Variants in NAV2 observed in about 807,000 individuals in gnomAD.
The protein encoded by NAV2 is helicase, APC down-regulated 1.
NAV2 carries 54 observed loss-of-function variants against 223.2 expected under a neutral mutation model. That is an observed-to-expected ratio of 0.24 (90% CI 0.19 to 0.30). The LOEUF is 0.30. NAV2 is among the 10% of genes least tolerant of loss of function. NAV2 has a pLI of 1.00. For synonymous variants in NAV2, 1,279 were observed against 1,239.3 expected, an observed-to-expected ratio of 1.03 and a Z score of -0.67; for missense variants, 2,806 against 3,147.5, an observed-to-expected ratio of 0.89 and a Z score of 2.60.
At chr11:19,375,166 T>G (rs1034692693) in intron 1 of NAV2, among the ~76,000 whole-genome samples, 12 of 152,338 alleles carry the variant, frequency 7.9e-5, no homozygotes, top group Admixed American at 3.9e-4. Flanking sequence ...TCCAACTTAT[T>G]GGTTTGTGGC....
chr11:19,989,409 C>A (rs1003784310), intron 11 of NAV2, among the ~76,000 whole-genome samples: 1 of 152,130 alleles, frequency 6.6e-6, no homozygotes, highest in African/African-American at 2.4e-5. Context: ...GGAACAGATG[C>A]TCCTAGAGCC....
At chr11:19,590,418 C>T (rs939805758) in intron 1 of NAV2, among the ~76,000 whole-genome samples, 7 of 152,104 alleles carry the variant, frequency 4.6e-5, no homozygotes, top group African/African-American at 1.7e-4. Flanking sequence ...ATCCCCCTTA[C>T]CCAGGACTGC....
chr11:19,511,096 A>C (rs2043265224), intron 1 of NAV2: 1 of 152,252 alleles, frequency 6.6e-6, no homozygotes, highest in Non-Finnish European at 1.5e-5. Context: ...GGGACTCATC[A>C]GGATCACACA....
intron 1 of NAV2, among the ~76,000 whole-genome samples, chr11:19,736,740 C>T (rs1444239981): frequency 6.6e-6 from 1 of 152,218 alleles, no homozygotes; most frequent in Non-Finnish European, 1.5e-5. Context: ...CATGACATCT[C>T]TTCCCCCAAC....
intron 3 of NAV2, among the ~76,000 whole-genome samples, chr11:19,858,772 T>C (rs148803746): frequency 0.021 from 3,240 of 152,340 alleles, 53 homozygotes; most frequent in South Asian, 0.033. Flanking sequence ...TAAAAATGAA[T>C]GCTAGTGACA....
chr11:19,444,938 T>C (rs1851530688), intron 1 of NAV2, among the ~76,000 whole-genome samples: 1 of 152,138 alleles, frequency 6.6e-6, no homozygotes, highest in African/African-American at 2.4e-5. Context: ...GAAAGAAATC[T>C]ATATGAAGAA....
In NAV2 at chr11:19,684,342, A is replaced by G. The variant is rs372987294; in HGVS notation, c.76-148142A>G. On this transcript the variant is annotated intron_variant, in intron 1 of 37. Transcript: ENST00000360655. ...TTCCCAGGGTATTGACTCATGTGTC[A>G]ATGCCCAGCAGGAGGTATCTGCCCT... 2.6e-5 allele frequency among the ~76,000 whole-genome samples: 4 copies of G among 152,132 alleles called. No homozygotes were observed. In the South Asian group the frequency reaches 6.3e-4, roughly 24 times the overall value.
intron 1 of NAV2, among the ~76,000 whole-genome samples, chr11:19,531,717 T>C (rs1003316392): frequency 6.6e-6 from 1 of 152,172 alleles, no homozygotes; most frequent in African/African-American, 2.4e-5. Flanking sequence ...TGAAAAGCCA[T>C]TGTGATTTTT....
chr11:19,533,628 T>C (rs937239618), intron 1 of NAV2, among the ~76,000 whole-genome samples: 6 of 152,090 alleles, frequency 3.9e-5, no homozygotes, highest in East Asian at 1.9e-4. Context: ...AAACCTTCTC[T>C]GAGACGTGCA....
At chr11:19,872,743 G>A (rs551044982) in intron 4 of NAV2, among the ~76,000 whole-genome samples, 1 of 152,230 alleles carries the variant, frequency 6.6e-6, no homozygotes. Context: ...AGAGCCACAG[G>A]GAGCCTTTGT....
intron 1 of NAV2, among the ~76,000 whole-genome samples, chr11:19,813,632 T>C (rs2058949516): frequency 6.6e-6 from 1 of 152,132 alleles, no homozygotes; most frequent in Non-Finnish European, 1.5e-5. Context: ...AGGTGGCCTG[T>C]GTAAGAAAAT....
intron 11 of NAV2, among the ~76,000 whole-genome samples, chr11:20,032,380 G>A (rs1591752287): frequency 6.6e-6 from 1 of 152,160 alleles, no homozygotes; most frequent in East Asian, 1.9e-4. Flanking sequence ...GTGTATCAAG[G>A]GCCACATGCC....
At chr11:19,593,914 A>C (rs1480645925) in intron 1 of NAV2, among the ~76,000 whole-genome samples, 1 of 151,890 alleles carries the variant, frequency 6.6e-6, no homozygotes, top group Non-Finnish European at 1.5e-5. Flanking sequence ...TGGAGTTTTG[A>C]GTATTCTTTA....
intron 4 of NAV2, among the ~76,000 whole-genome samples, chr11:19,872,248 A>C (rs1310745848): frequency 6.6e-6 from 1 of 152,236 alleles, no homozygotes; most frequent in African/African-American, 2.4e-5. Context: ...CATGTCAGTC[A>C]CTGAGCTAAG....
chr11:19,869,364 C>T (rs1261767577), intron 4 of NAV2, among the ~76,000 whole-genome samples: 1 of 152,214 alleles, frequency 6.6e-6, no homozygotes, highest in African/African-American at 2.4e-5. Context: ...CATATTTCAG[C>T]TGTACAGTTC....
chr11:20,064,852 T>C (rs2153630947), intron 20 of NAV2, among the ~76,000 whole-genome samples: 1 of 152,346 alleles, frequency 6.6e-6, no homozygotes, highest in African/African-American at 2.4e-5. Context: ...CATATGACTT[T>C]GGACAAGTCA....
upstream of NAV2, among the ~76,000 whole-genome samples, chr11:19,350,217 C>T (rs1566709): frequency 9.4e-3 from 1,429 of 152,268 alleles, 31 homozygotes; most frequent in African/African-American, 0.033. Flanking sequence ...CCTGGAGTTT[C>T]CTTGTCCATG....
chr11:19,996,373 G>T (rs932302226), intron 11 of NAV2, among the ~76,000 whole-genome samples: 6 of 152,250 alleles, frequency 3.9e-5, no homozygotes, highest in Non-Finnish European at 7.3e-5. Context: ...CTTTAAGCCA[G>T]TCCGCCTTCC....
intron 6 of NAV2, among the ~76,000 whole-genome samples, chr11:19,906,000 T>G (rs1475498900): frequency 6.6e-6 from 1 of 152,122 alleles, no homozygotes; most frequent in Admixed American, 6.5e-5. Flanking sequence ...TGTTTTCAAA[T>G]CATAGCCACG....
Sources: allele counts gnomAD v4.1 joint callset (sites outside exome capture counted in the v4.1 genomes callset), GRCh38; gene constraint gnomAD v4.1.1; transcripts MANE v1.5; gene names NCBI Gene and HGNC (gene_info 2026-07-23, HGNC 2026-07-21).